TIAM2: variants seen among roughly 807,000 people sequenced by gnomAD.
TIAM2 encodes the protein TIAM Rac1 associated GEF 2, also known as rho guanine nucleotide exchange factor TIAM2.
TIAM2 carries 80 observed loss-of-function variants against 152.9 expected under a neutral mutation model. That is an observed-to-expected ratio of 0.52 (90% CI 0.44 to 0.63). The LOEUF (loss-of-function observed/expected upper bound fraction) is 0.63, where lower values mean the gene tolerates loss of function less well. Among genes scored for constraint, TIAM2 ranks in the 30% least tolerant of loss-of-function variants. The pLI is 0.00. For missense variants in TIAM2, 1,965 were observed against 2,120.1 expected, an observed-to-expected ratio of 0.93 and a Z score of 1.44; for synonymous variants, 804 against 838.0, an observed-to-expected ratio of 0.96 and a Z score of 0.70.
chr6:155,012,379 G>A (rs951429161), intron 1 of TIAM2, among the ~76,000 whole-genome samples: 1 of 152,094 alleles, frequency 6.6e-6, no homozygotes, highest in African/African-American at 2.4e-5. Flanking sequence ...ACTCAATGTA[G>A]TCTTACAGAA....
intron 7 of TIAM2, 77 bp from the exon 8 acceptor site, chr6:155,164,338 T>C: frequency 2.9e-6 from 4 of 1,391,704 alleles, no homozygotes; most frequent in Non-Finnish European, 3.9e-6. Flanking sequence ...TTCAAGTTTG[T>C]GAAAGGGATC....
At chr6:155,113,326 C>T (rs1356124214) in intron 2 of TIAM2, among the ~76,000 whole-genome samples, 3 of 152,122 alleles carry the variant, frequency 2.0e-5, no homozygotes, top group East Asian at 1.9e-4. Context: ...GAGGCTTCCT[C>T]GCCTTTTAAA....
chr6:154,997,199 A>C (rs1258935868), intron 1 of TIAM2, among the ~76,000 whole-genome samples: 1 of 152,186 alleles, frequency 6.6e-6, no homozygotes, highest in Non-Finnish European at 1.5e-5. Context: ...CCTCTTGCCC[A>C]TCTGTCAATT....
chr6:155,165,525 T>C, intron 9 of TIAM2, 116 bp downstream of exon 9: 1 of 1,407,830 alleles, frequency 7.1e-7, no homozygotes, highest in Admixed American at 2.4e-5. Flanking sequence ...TGAGGCGAGG[T>C]GGGGTGGCTC....
intron 12 of TIAM2, 31 bp downstream of exon 12, chr6:155,179,487 T>C: frequency 6.4e-7 from 1 of 1,569,062 alleles, no homozygotes; most frequent in Non-Finnish European, 8.6e-7. Flanking sequence ...TTTCAGGGAA[T>C]TGTGTTGTTC....
chr6:155,037,822 G>T (rs537447240), intron 1 of TIAM2, among the ~76,000 whole-genome samples: 2 of 152,078 alleles, frequency 1.3e-5, no homozygotes, highest in Non-Finnish European at 2.9e-5. Flanking sequence ...GAGCCACCGC[G>T]TCCAGCCCTC....
intron 15 of TIAM2, among the ~76,000 whole-genome samples, chr6:155,233,438 T>C (rs1306080198): frequency 6.6e-6 from 1 of 152,174 alleles, no homozygotes. Context: ...TCAAAGACCG[T>C]CAAAGAGGGT....
chr6:155,153,749 G>A (rs1414081260), intron 7 of TIAM2, among the ~76,000 whole-genome samples: 1 of 151,100 alleles, frequency 6.6e-6, no homozygotes, highest in East Asian at 2.0e-4. Flanking sequence ...AACCTCCCGA[G>A]TAGCTGGGAT....
intron 2 of TIAM2, among the ~76,000 whole-genome samples, chr6:155,108,532 C>T (rs1328881233): frequency 6.6e-6 from 1 of 152,132 alleles, no homozygotes; most frequent in Non-Finnish European, 1.5e-5. Flanking sequence ...TTCATACTGA[C>T]CAGACCGTAA....
chr6:155,140,571 T>TGAGAGA (rs1260760074), intron 5 of TIAM2, among the ~76,000 whole-genome samples: 14 of 110,716 alleles, frequency 1.3e-4, no homozygotes, highest in South Asian at 3.3e-4. Flanking sequence ...TGTGTGTGTG[T>TGAGAGA]GTGAGAGAGA....
At chr6:155,114,037 T>TATATATATATATATATA (rs1381031482) in intron 2 of TIAM2, among the ~76,000 whole-genome samples, 39 of 28,464 alleles carry the variant, frequency 1.4e-3, no homozygotes, top group Non-Finnish European at 1.9e-3. Context: ...TATATATATA[T>TATATATATATATATATA]TTTTTTTTTT....
At chr6:155,115,188 G>A (rs1778981635) in intron 2 of TIAM2, among the ~76,000 whole-genome samples, 2 of 148,648 alleles carry the variant, frequency 1.3e-5, no homozygotes, top group African/African-American at 4.9e-5. Context: ...AAAAAAAAAG[G>A]AATAATTTCA....
intron 1 of TIAM2, among the ~76,000 whole-genome samples, chr6:155,016,780 A>G (rs187099770): frequency 0.031 from 3,847 of 124,866 alleles, 97 homozygotes; most frequent in South Asian, 0.11. Flanking sequence ...TGTGCCTGTA[A>G]TCCCAGCTAC....
chr6:155,206,810 G>A (rs767850216), intron 14 of TIAM2, among the ~76,000 whole-genome samples: 1 of 152,146 alleles, frequency 6.6e-6, no homozygotes, highest in Non-Finnish European at 1.5e-5. Flanking sequence ...TAATTTCCAC[G>A]AGAAATGTGA....
chr6:155,193,366 C>T (rs1781255718), intron 14 of TIAM2, among the ~76,000 whole-genome samples: 1 of 151,598 alleles, frequency 6.6e-6, no homozygotes, highest in Non-Finnish European at 1.5e-5. Flanking sequence ...GATTGTGCCA[C>T]CGCACTCAGC....
intron 6 of TIAM2, among the ~76,000 whole-genome samples, chr6:155,147,176 C>T (rs79472614): frequency 7.7e-5 from 11 of 143,320 alleles, no homozygotes; most frequent in South Asian, 4.3e-4. Context: ...TTACATTGTT[C>T]TTTTTTTTTT....
intron 16 of TIAM2, among the ~76,000 whole-genome samples, chr6:155,241,761 A>C (rs1004441743): frequency 8.5e-5 from 13 of 152,202 alleles, no homozygotes; most frequent in African/African-American, 3.1e-4. Flanking sequence ...CTTGTCCTGC[A>C]TCCAGGGTGT....
At chr6:155,086,435 G>A (rs76961651) in intron 1 of TIAM2, among the ~76,000 whole-genome samples, 3,437 of 152,182 alleles carry the variant, frequency 0.023, 135 homozygotes, top group African/African-American at 0.078. Flanking sequence ...GGCCGGGCAC[G>A]GCGACTTACA....
Position 155,254,448 on chromosome 6 carries a change from A to C in TIAM2, c.4343A>C (p.Lys1448Thr), listed in dbSNP as rs1783875528. 1.9e-6 allele frequency: 3 copies of C among 1,613,972 alleles called. No homozygotes were observed. Among genetic ancestry groups the C allele is most frequent in the Non-Finnish European group, 1.7e-6 (2 of 1,179,840 alleles). The change falls in exon 26 of 27, where the codon AAG becomes ACG. Residue 1448 changes from lysine to threonine, a missense_variant. Physicochemically the swap from Lys to Thr is moderately conservative, Grantham distance 78. Coordinates refer to ENST00000682666, the MANE Select transcript of TIAM2 (RefSeq NM_012454.4). ...AGTGAAAGCAAAACCAACATTGTTAAGGTGATTCGTTCTATTCTGAGGGAG... is the reference window on the plus strand; with the variant it reads ...AGTGAAAGCAAAACCAACATTGTTACGGTGATTCGTTCTATTCTGAGGGAG... ...SDSESKTNIV[K>T]VIRSILRENF...
Sources: gnomAD v4.1 joint callset for allele counts (sites outside exome capture counted in the v4.1 genomes callset) on GRCh38, gnomAD v4.1.1 for gene constraint, MANE v1.5 for transcripts, NCBI Gene and HGNC (gene_info 2026-07-23, HGNC 2026-07-21) for gene names.